The following ZSCAN30 variants were observed in gnomAD, a reference collection of about 807,000 sequenced individuals.
ZSCAN30 encodes zinc finger and SCAN domain-containing protein 30.
A neutral mutation model predicts 44.3 loss-of-function variants in ZSCAN30; 37 were observed. The ratio of observed to expected loss-of-function variants is 0.84; its 90% CI spans 0.64 to 1.10. The LOEUF (loss-of-function observed/expected upper bound fraction) is 1.10, where lower values mean the gene tolerates loss of function less well. Ranked by LOEUF, ZSCAN30 falls within the 50% of genes least tolerant of loss-of-function variation. The pLI is 0.00. For missense variants in ZSCAN30, 549 were observed against 582.6 expected, an observed-to-expected ratio of 0.94 and a Z score of 0.59; for synonymous variants, 181 against 204.6, an observed-to-expected ratio of 0.88 and a Z score of 0.98.
At chr18:35,277,371 T>C (rs184710502) in intron 1 of ZSCAN30, among the ~76,000 whole-genome samples, 3 of 152,264 alleles carry the variant, frequency 2.0e-5, no homozygotes, top group South Asian at 2.1e-4. Context: ...CAAAATGATA[T>C]GATTTGGCTG....
chr18:35,289,836 G>T (rs888152400), intron 1 of ZSCAN30: 2 of 152,188 alleles, frequency 1.3e-5, no homozygotes, highest in African/African-American at 4.8e-5. Context: ...GAGAACCTGG[G>T]CTGCCACCGC....
intron 1 of ZSCAN30, chr18:35,268,503 G>A (rs1389889675): frequency 2.0e-5 from 3 of 152,236 alleles, no homozygotes; most frequent in African/African-American, 7.2e-5. Flanking sequence ...TTGGAATGGG[G>A]AAGAAAAGGA....
chr18:35,257,809 T>C, intron 3 of ZSCAN30: 3 of 767,816 alleles, frequency 3.9e-6, no homozygotes, highest in Non-Finnish European at 7.3e-6. Flanking sequence ...TGCAGTGCAA[T>C]TATGCTTCAG....
At chr18:35,277,410 G>T (rs868454402) in intron 1 of ZSCAN30, among the ~76,000 whole-genome samples, 1 of 152,154 alleles carries the variant, frequency 6.6e-6, no homozygotes, top group Admixed American at 6.6e-5. Context: ...ATCTTGAATT[G>T]TAGGTCCCAT....
At chr18:35,287,303 T>G (rs892844557) in intron 1 of ZSCAN30, among the ~76,000 whole-genome samples, 1 of 152,068 alleles carries the variant, frequency 6.6e-6, no homozygotes, top group Non-Finnish European at 1.5e-5. Context: ...TTTGTAGAAG[T>G]TGACAAACTG....
Position 35,253,123 on chromosome 18 carries a change from C to T in ZSCAN30, c.*327G>A, listed in dbSNP as rs917412504. 12 of 202,460 alleles carry T rather than the reference C, an allele frequency of 5.9e-5. No homozygotes were observed. Among genetic ancestry groups the T allele is most frequent in the Non-Finnish European group, 1.2e-4 (12 of 100,162 alleles). 12.5% of individuals were successfully genotyped at this position (202,460 alleles called of 1,614,324 possible). A position where few individuals can be genotyped will look rare whatever the true frequency, so the allele number is the denominator to read the frequency against. ...TTCAGGATCTCTGCCCCAATCCTGG[C>T]ATTACTGTGAAGGTGCCCAATGGAA... On this transcript the variant is annotated 3_prime_UTR_variant, in exon 4 of 4. Coordinates refer to ENST00000333206, the MANE Select transcript of ZSCAN30 (RefSeq NM_001112734.4).
chr18:35,260,473 C>A (rs1418775788), intron 3 of ZSCAN30: 1 of 152,170 alleles, frequency 6.6e-6, no homozygotes, highest in African/African-American at 2.4e-5. Flanking sequence ...TTTACATTCC[C>A]ACCAACACTG....
intron 3 of ZSCAN30, chr18:35,261,981 T>C (rs2044037679): frequency 6.6e-6 from 1 of 152,150 alleles, no homozygotes; most frequent in Non-Finnish European, 1.5e-5. Flanking sequence ...GGGAAGCAGT[T>C]TCCCAGAAGA....
At chr18:35,262,020 T>C (rs918470501) in intron 3 of ZSCAN30, 4 of 152,178 alleles carry the variant, frequency 2.6e-5, no homozygotes, top group African/African-American at 9.7e-5. Flanking sequence ...ATGGATTCCT[T>C]TGGTGAACTG....
intron 1 of ZSCAN30, chr18:35,289,511 C>T (rs575247062): frequency 6.6e-6 from 1 of 152,276 alleles, no homozygotes; most frequent in South Asian, 2.1e-4. Context: ...ACAGCTTAAA[C>T]CAAGTCACAC....
intron 1 of ZSCAN30, among the ~76,000 whole-genome samples, chr18:35,274,333 G>A (rs1052647843): frequency 1.8e-4 from 28 of 152,040 alleles, no homozygotes; most frequent in African/African-American, 2.2e-4. Flanking sequence ...CACCGTGCCC[G>A]GCCGAAGGTA....
chr18:35,267,926 G>C (rs1179072374), intron 1 of ZSCAN30: 1 of 152,186 alleles, frequency 6.6e-6, no homozygotes, highest in African/African-American at 2.4e-5. Context: ...CTGCGGAAGG[G>C]CTGGGGCGGG....
chr18:35,274,101 C>T (rs1048832901), intron 1 of ZSCAN30, among the ~76,000 whole-genome samples: 8 of 152,040 alleles, frequency 5.3e-5, no homozygotes, highest in African/African-American at 7.2e-5. Context: ...CTGCAAGCTC[C>T]GTCTCCTGGG....
chr18:35,271,945 G>A (rs921277617), intron 1 of ZSCAN30, among the ~76,000 whole-genome samples: 16 of 152,222 alleles, frequency 1.1e-4, no homozygotes, highest in Non-Finnish European at 4.4e-5. Flanking sequence ...CTCCAAGTGC[G>A]GGGCCCGCCG....
At chr18:35,287,152 A>C (rs1039123589) in intron 1 of ZSCAN30, among the ~76,000 whole-genome samples, 1 of 152,196 alleles carries the variant, frequency 6.6e-6, no homozygotes, top group African/African-American at 2.4e-5. Context: ...TATTGGTGAG[A>C]GATATTAAGG....
chr18:35,279,528 C>A (rs2143764996), intron 1 of ZSCAN30, among the ~76,000 whole-genome samples: 1 of 152,270 alleles, frequency 6.6e-6, no homozygotes, highest in Admixed American at 6.5e-5. Flanking sequence ...GCTGCTATAA[C>A]AAAAAATAGC....
chr18:35,263,078 A>C, intron 3 of ZSCAN30: 1 of 273,278 alleles, frequency 3.7e-6, no homozygotes, highest in African/African-American at 2.3e-5. Context: ...CTGAGCTTTG[A>C]ATATTATGGA....
At chr18:35,270,025 T>C (rs1475877282) in intron 1 of ZSCAN30, 2 of 152,038 alleles carry the variant, frequency 1.3e-5, no homozygotes, top group Non-Finnish European at 2.9e-5. Context: ...CACTGTGGGG[T>C]GGGGAGGGGA....
intron 1 of ZSCAN30, chr18:35,267,454 C>A (rs2044180809): frequency 6.6e-6 from 1 of 150,670 alleles, no homozygotes; most frequent in South Asian, 2.1e-4. Flanking sequence ...CCGGGACCGC[C>A]CTGCTGGACC....
Sources: gnomAD v4.1 joint callset for allele counts (sites outside exome capture counted in the v4.1 genomes callset) on GRCh38, gnomAD v4.1.1 for gene constraint, MANE v1.5 for transcripts, NCBI Gene and HGNC (gene_info 2026-07-23, HGNC 2026-07-21) for gene names.